REDIC1: variants seen among roughly 807,000 people sequenced by gnomAD.
REDIC1 encodes regulator of DNA class I crossover intermediates 1, also known as HEI10 Interacting Protein 1.
At chr12:39,840,259 T>G in the REDIC1 span, among the ~76,000 whole-genome samples, 1 of 152,012 alleles carries the variant, frequency 6.6e-6, no homozygotes, top group Non-Finnish European at 1.5e-5. Flanking sequence ...CGCCCAGCCT[T>G]GTACTCTCCA....
chr12:39,710,054 T>G, the REDIC1 span, among the ~76,000 whole-genome samples: 1 of 151,866 alleles, frequency 6.6e-6, no homozygotes, highest in African/African-American at 2.4e-5. Context: ...TTGATATAGA[T>G]CTTTTTAAAT....
At chr12:39,808,636 G>A in the REDIC1 span, among the ~76,000 whole-genome samples, 1 of 152,228 alleles carries the variant, frequency 6.6e-6, no homozygotes, top group Non-Finnish European at 1.5e-5. Flanking sequence ...TTGGTGTGCT[G>A]TAGCATGTCA....
the REDIC1 span, among the ~76,000 whole-genome samples, chr12:39,847,212 C>T: frequency 6.6e-6 from 1 of 152,140 alleles, no homozygotes; most frequent in African/African-American, 2.4e-5. Context: ...CAGAACCACT[C>T]ATAAATGTCT....
chr12:39,839,270 A>C, the REDIC1 span, among the ~76,000 whole-genome samples: 1 of 151,778 alleles, frequency 6.6e-6, no homozygotes, highest in Non-Finnish European at 1.5e-5. Context: ...ACTGAAAACA[A>C]CTCTGGAACA....
the REDIC1 span, among the ~76,000 whole-genome samples, chr12:39,776,227 A>G: frequency 3.3e-5 from 5 of 151,272 alleles, no homozygotes; most frequent in African/African-American, 1.2e-4. Context: ...GTTCCTTCAT[A>G]TTGACCAAAG....
At chr12:39,806,807 G>A in the REDIC1 span, among the ~76,000 whole-genome samples, 1 of 152,138 alleles carries the variant, frequency 6.6e-6, no homozygotes, top group African/African-American at 2.4e-5. Flanking sequence ...ATTTGTAGGA[G>A]TTAAAATTGG....
At chr12:39,846,958 T>G in the REDIC1 span, among the ~76,000 whole-genome samples, 1 of 152,166 alleles carries the variant, frequency 6.6e-6, no homozygotes, top group Non-Finnish European at 1.5e-5. Flanking sequence ...AGATCACTCA[T>G]TTTGAACAAA....
chr12:39,686,346 G>A, the REDIC1 span, among the ~76,000 whole-genome samples: 1 of 152,134 alleles, frequency 6.6e-6, no homozygotes, highest in African/African-American at 2.4e-5. Context: ...GTCTCTCAAG[G>A]CTTAACTTTT....
the REDIC1 span, among the ~76,000 whole-genome samples, chr12:39,896,513 TG>T: frequency 6.8e-6 from 1 of 147,464 alleles, no homozygotes; most frequent in Non-Finnish European, 1.5e-5. Context: ...TATGTACATG[TG>T]TGTATACATG....
the REDIC1 span, chr12:39,758,873 A>C: frequency 6.6e-6 from 1 of 152,044 alleles, no homozygotes; most frequent in Non-Finnish European, 1.5e-5. Context: ...AAGTAAAAAA[A>C]GACAAGTACA....
the REDIC1 span, among the ~76,000 whole-genome samples, chr12:39,822,442 T>C: frequency 3.3e-5 from 5 of 152,178 alleles, no homozygotes; most frequent in South Asian, 1.0e-3. Flanking sequence ...AACCATCTGA[T>C]CTAAACTCAT....
the REDIC1 span, among the ~76,000 whole-genome samples, chr12:39,833,317 T>C: frequency 6.6e-6 from 1 of 152,238 alleles, no homozygotes; most frequent in East Asian, 1.9e-4. Context: ...AGAACACCTA[T>C]ATAGATCCCC....
chr12:39,690,841 G>A, the REDIC1 span, among the ~76,000 whole-genome samples: 1 of 152,248 alleles, frequency 6.6e-6, no homozygotes, highest in East Asian at 1.9e-4. Flanking sequence ...GGACATTTGT[G>A]AATAACTTAG....
the REDIC1 span, among the ~76,000 whole-genome samples, chr12:39,892,219 C>T: frequency 6.6e-6 from 1 of 152,222 alleles, no homozygotes; most frequent in Admixed American, 6.5e-5. Flanking sequence ...AATAAGGCTG[C>T]CTCTTACCCT....
chr12:39,671,431 G>A, the REDIC1 span, among the ~76,000 whole-genome samples: 1 of 152,186 alleles, frequency 6.6e-6, no homozygotes, highest in Non-Finnish European at 1.5e-5. Context: ...CATGCTGAGT[G>A]TGCCTGTTCT....
the REDIC1 span, among the ~76,000 whole-genome samples, chr12:39,711,747 A>ACACATGCATGTGTGTGTGTG: frequency 9.3e-6 from 1 of 107,954 alleles, no homozygotes. Flanking sequence ...ATGTGTGTAT[A>ACACATGCATGTGTGTGTGTG]CACATGCATG....
At chr12:39,736,704 T>G in the REDIC1 span, 1 of 152,236 alleles carries the variant, frequency 6.6e-6, no homozygotes, top group Admixed American at 6.5e-5. Flanking sequence ...GCTCACTGTC[T>G]TTCAGGACAC....
the REDIC1 span, among the ~76,000 whole-genome samples, chr12:39,711,541 A>ATGTATGTGCATACACATGTATG: frequency 9.4e-6 from 1 of 106,852 alleles, no homozygotes; most frequent in African/African-American, 4.0e-5. Flanking sequence ...ATATACATAT[A>ATGTATGTGCATACACATGTATG]TGTATGTGCA....
At chr12:39,745,212 G>T in the REDIC1 span, among the ~76,000 whole-genome samples, 1 of 152,138 alleles carries the variant, frequency 6.6e-6, no homozygotes, top group African/African-American at 2.4e-5. Flanking sequence ...TTATCCAGTT[G>T]TCAGTATGTC....
Sources: allele counts gnomAD v4.1 joint callset (sites outside exome capture counted in the v4.1 genomes callset), GRCh38; gene constraint gnomAD v4.1.1; transcripts MANE v1.5; gene names NCBI Gene and HGNC (gene_info 2026-07-23, HGNC 2026-07-21).